Variants in RBFOX1 observed in about 807,000 individuals in gnomAD.
RBFOX1 encodes the protein RNA binding protein fox-1 homolog 1.
Under a neutral mutation model 57.7 loss-of-function variants are expected in RBFOX1, and 8 were observed. That is an observed-to-expected ratio of 0.14 (90% CI 0.08 to 0.25). The LOEUF (loss-of-function observed/expected upper bound fraction) is 0.25. RBFOX1 is among the 10% of genes least tolerant of loss of function. The probability of loss-of-function intolerance (pLI) is 1.00; values close to 1 mark genes in which losing one functional copy is unlikely to be tolerated. For missense variants in RBFOX1, 611 were observed against 548.5 expected (o/e 1.11, Z -1.14); for synonymous variants, 326 against 222.4 (o/e 1.47, Z -4.15).
intron 4 of RBFOX1, among the ~76,000 whole-genome samples, chr16:7,450,856 A>G (rs950123908): frequency 6.6e-6 from 1 of 152,142 alleles, no homozygotes; most frequent in Non-Finnish European, 1.5e-5. Context: ...CGACGGGCCC[A>G]GCATCAGCAG....
At chr16:6,799,239 C>G (rs954187446) in intron 3 of RBFOX1, among the ~76,000 whole-genome samples, 1 of 152,064 alleles carries the variant, frequency 6.6e-6, no homozygotes, top group African/African-American at 2.4e-5. Context: ...TATGGCTGCT[C>G]CATAGACACA....
intron 4 of RBFOX1, among the ~76,000 whole-genome samples, chr16:7,082,094 G>C (rs1454701536): frequency 6.6e-6 from 1 of 152,130 alleles, no homozygotes; most frequent in Admixed American, 6.5e-5. Context: ...TGCAGGATCT[G>C]GGAGAACCAC....
chr16:6,830,274 C>T (rs2092611361), intron 3 of RBFOX1, among the ~76,000 whole-genome samples: 4 of 152,186 alleles, frequency 2.6e-5, no homozygotes, highest in Non-Finnish European at 2.9e-5. Flanking sequence ...ATTGTGCATT[C>T]TGATATACAC....
rs184289750 is a variant in RBFOX1 at position 6,501,203 on chromosome 16, A to T, written c.-63-153400A>T. Among the ~76,000 whole-genome samples the T allele has an allele frequency of 8.6e-4, 123 of 143,524 alleles. 2 individuals are homozygous for T. In the East Asian group the frequency reaches 0.023, roughly 26 times the overall value. 94.2% of individuals were successfully genotyped at this position (143,524 alleles called of 152,430 possible). A position where few individuals can be genotyped will look rare whatever the true frequency, so the allele number is the denominator to read the frequency against. ...TGTGCACAACGTGCAGGTTTGTTACATATGTATACATGTGCCATGTTGGTG... is the reference window on the plus strand; with the variant it reads ...TGTGCACAACGTGCAGGTTTGTTACTTATGTATACATGTGCCATGTTGGTG... On this transcript the variant is annotated intron_variant, in intron 2 of 15. Transcript: ENST00000550418.
Position 7,211,391 on chromosome 16 carries a change from C to CAAAAAAAA in RBFOX1, c.27+159307_27+159314dup, listed in dbSNP as rs57333413. ...TGGGCGACAGAGTGAGACTGCCTCT[C>CAAAAAAAA]AAAAAAAAAAAAAAAAAAAAATTGG... On this transcript the variant is annotated intron_variant, in intron 4 of 15. Transcript: ENST00000550418. Among the ~76,000 whole-genome samples the CAAAAAAAA allele has an allele frequency of 8.2e-4, 69 of 83,912 alleles. 3 individuals carry two copies. The South Asian group carries it at 0.026, about 32-fold the overall frequency. 55.0% of individuals were successfully genotyped at this position (83,912 alleles called of 152,430 possible). A position where few individuals can be genotyped will look rare whatever the true frequency, so the allele number is the denominator to read the frequency against.
At chr16:7,348,236 C>G (rs73565807) in intron 4 of RBFOX1, among the ~76,000 whole-genome samples, 1 of 152,014 alleles carries the variant, frequency 6.6e-6, no homozygotes, top group African/African-American at 2.4e-5. Flanking sequence ...CCCAAAAATG[C>G]CTACTACAAA....
chr16:7,454,839 G>C (rs2058168108), intron 4 of RBFOX1, among the ~76,000 whole-genome samples: 1 of 152,168 alleles, frequency 6.6e-6, no homozygotes, highest in Non-Finnish European at 1.5e-5. Flanking sequence ...TCAGGACAAG[G>C]ATGGACCTAG....
chr16:5,344,445 C>G (rs138251967), intron 1 of RBFOX1, among the ~76,000 whole-genome samples: 9 of 152,184 alleles, frequency 5.9e-5, no homozygotes, highest in African/African-American at 2.2e-4. Flanking sequence ...AATTGAATTA[C>G]ACTCACTGGA....
chr16:6,118,016 A>C (rs534803985), intron 1 of RBFOX1, among the ~76,000 whole-genome samples: 1 of 152,324 alleles, frequency 6.6e-6, no homozygotes, highest in East Asian at 1.9e-4. Flanking sequence ...TAATTTAAAA[A>C]TTTTTTGAGA....
Position 6,357,197 on chromosome 16 carries a change from A to G in RBFOX1, c.-64+40140A>G, listed in dbSNP as rs558958549. ...CAAATATCTGGCTGCTTTGCACGCT[A>G]TTGTACAACACACTGGGGGAAAATG... On this transcript the variant is annotated intron_variant, in intron 2 of 15. Coordinates refer to ENST00000550418, the MANE Select transcript of RBFOX1 (RefSeq NM_018723.4). Among the ~76,000 whole-genome samples, 11 of 152,148 alleles carry G rather than the reference A, an allele frequency of 7.2e-5. No individual in the cohort carries two copies. The South Asian group carries it at 2.3e-3, about 32-fold the overall frequency.
rs189570116 is a variant in RBFOX1, at chr16:6,647,359, C to A, written c.-63-7244C>A. On this transcript the variant is annotated intron_variant, in intron 2 of 15. Transcript: ENST00000550418. ...CTCCTGGGTTGAAATGATTCTCCTGCCTCAGCCTCCAAGTAGCTGGGATTA... is the reference window on the plus strand; with the variant it reads ...CTCCTGGGTTGAAATGATTCTCCTGACTCAGCCTCCAAGTAGCTGGGATTA... Among the ~76,000 whole-genome samples, 746 of 152,290 alleles carry A rather than the reference C, an allele frequency of 4.9e-3. 3 individuals carry two copies. The highest frequency in any genetic ancestry group is 8.1e-3 in the Non-Finnish European group (548 of 68,022).
chr16:7,492,783 C>T (rs915374484), intron 4 of RBFOX1, among the ~76,000 whole-genome samples: 2 of 152,106 alleles, frequency 1.3e-5, no homozygotes, highest in South Asian at 4.2e-4. Flanking sequence ...TCTCTTGCCC[C>T]GACTCTCACC....
intron 3 of RBFOX1, among the ~76,000 whole-genome samples, chr16:6,781,658 T>A (rs2081043608): frequency 6.6e-6 from 1 of 152,144 alleles, no homozygotes; most frequent in Non-Finnish European, 1.5e-5. Context: ...TTTGTAGTTT[T>A]TTATGTCCAG....
chr16:5,837,354 T>C (rs541844400), intron 3 of RBFOX1, among the ~76,000 whole-genome samples: 3 of 152,202 alleles, frequency 2.0e-5, no homozygotes, highest in African/African-American at 7.2e-5. Context: ...TGAGGGTTTG[T>C]CCAGCTGGCA....
chr16:7,518,230 C>T lies in RBFOX1; in HGVS notation c.111C>T (p.Ile37=), dbSNP rs1462627650. The T allele has an allele frequency of 6.2e-7, 1 of 1,614,136 alleles. No individual in the cohort carries two copies. The highest frequency in any genetic ancestry group is 1.1e-5 in the South Asian group (1 of 91,076). ...SAQFAPPQNG[I]PAEYTAPHPH... is the part of the protein sequence containing the mutation. ...AGTTTGCTCCCCCGCAGAACGGTAT[C>T]CCCGCGGAATACACGGCCCCTCATC... Residue 37 remains isoleucine, a synonymous_variant, in exon 5 of 16, where the codon ATC becomes ATT. Coordinates refer to ENST00000550418, the MANE Select transcript of RBFOX1 (RefSeq NM_018723.4).
intron 4 of RBFOX1, among the ~76,000 whole-genome samples, chr16:7,211,084 TTAA>T (rs2091029808): frequency 1.3e-5 from 1 of 74,986 alleles, no homozygotes. Flanking sequence ...ATACATACAC[TTAA>T]AAAAAAAAAA....
At chr16:5,429,068 G>A (rs1223653858) in intron 1 of RBFOX1, among the ~76,000 whole-genome samples, 1 of 152,158 alleles carries the variant, frequency 6.6e-6, no homozygotes, top group Non-Finnish European at 1.5e-5. Context: ...CCCTCTGGTG[G>A]CGAAGGGGAC....
At chr16:6,470,542 A>C (rs539906229) in intron 2 of RBFOX1, among the ~76,000 whole-genome samples, 6 of 152,282 alleles carry the variant, frequency 3.9e-5, no homozygotes, top group African/African-American at 1.4e-4. Flanking sequence ...TATGTGCATG[A>C]ATTCCAGTTG....
At chr16:7,686,149 T>C (rs1043709852) in intron 14 of RBFOX1, among the ~76,000 whole-genome samples, 5 of 151,742 alleles carry the variant, frequency 3.3e-5, no homozygotes, top group Admixed American at 3.3e-4. Flanking sequence ...AGCAGCAGCA[T>C]CACTGAACTG....
Sources: gnomAD v4.1 joint callset for allele counts (sites outside exome capture counted in the v4.1 genomes callset) on GRCh38, gnomAD v4.1.1 for gene constraint, MANE v1.5 for transcripts, NCBI Gene and HGNC (gene_info 2026-07-23, HGNC 2026-07-21) for gene names.